The following GRID2 variants were observed in gnomAD, a reference collection of about 807,000 sequenced individuals.
GRID2 encodes glutamate receptor ionotropic, delta-2.
GRID2 carries 33 observed loss-of-function variants against 114.8 expected under a neutral mutation model. The ratio of observed to expected loss-of-function variants is 0.29; its 90% CI spans 0.22 to 0.38. The LOEUF (loss-of-function observed/expected upper bound fraction) is 0.38, where lower values mean the gene tolerates loss of function less well. Among genes scored for constraint, GRID2 ranks in the 10% least tolerant of loss-of-function variants. GRID2 has a pLI of 1.00. For missense variants in GRID2, 1,184 were observed against 1,257.7 expected, an observed-to-expected ratio of 0.94 and a Z score of 0.89; for synonymous variants, 505 against 449.9, an observed-to-expected ratio of 1.12 and a Z score of -1.55.
At chr4:93,076,686 C>A (rs377645263) in intron 2 of GRID2, among the ~76,000 whole-genome samples, 2 of 143,618 alleles carry the variant, frequency 1.4e-5, no homozygotes, top group Non-Finnish European at 3.0e-5. Context: ...GGCGCAATCT[C>A]GGTTCACTGC....
At chr4:93,650,849 G>A (rs932880345) in intron 14 of GRID2, among the ~76,000 whole-genome samples, 1 of 151,974 alleles carries the variant, frequency 6.6e-6, no homozygotes, top group East Asian at 1.9e-4. Flanking sequence ...AAAATAAGAA[G>A]GGGAACAAAC....
At chr4:93,703,110 G>T (rs558154733) in intron 14 of GRID2, among the ~76,000 whole-genome samples, 6 of 152,064 alleles carry the variant, frequency 3.9e-5, no homozygotes, top group Non-Finnish European at 7.4e-5. Context: ...TGTCTCATTA[G>T]GATTTTTAAT....
intron 2 of GRID2, among the ~76,000 whole-genome samples, chr4:92,800,630 T>C (rs900980583): frequency 7.2e-5 from 11 of 152,000 alleles, no homozygotes; most frequent in African/African-American, 2.7e-4. Flanking sequence ...CTTTTGATAC[T>C]TGTGGGCATT....
intron 4 of GRID2, among the ~76,000 whole-genome samples, chr4:93,127,353 A>G (rs766646112): frequency 5.9e-5 from 9 of 152,124 alleles, no homozygotes; most frequent in Non-Finnish European, 1.2e-4. Context: ...AGTGTGCTAG[A>G]TTGCCTTTTG....
intron 10 of GRID2, among the ~76,000 whole-genome samples, chr4:93,434,962 A>AT (rs778110387): frequency 3.0e-4 from 45 of 149,352 alleles, no homozygotes; most frequent in East Asian, 7.9e-4. Flanking sequence ...TGTCCACCTC[A>AT]TTTTTTTTTC....
At chr4:92,812,017 G>T (rs1343578595) in intron 2 of GRID2, among the ~76,000 whole-genome samples, 1 of 152,048 alleles carries the variant, frequency 6.6e-6, no homozygotes, top group African/African-American at 2.4e-5. Context: ...AACTCCATTT[G>T]TTTGCTCCCT....
intron 2 of GRID2, among the ~76,000 whole-genome samples, chr4:93,023,785 T>C (rs571322350): frequency 6.6e-6 from 1 of 151,782 alleles, no homozygotes; most frequent in East Asian, 1.9e-4. Flanking sequence ...TATAGAGAAA[T>C]AAAGGGTAAA....
chr4:93,243,308 T>C (rs1747762016), intron 8 of GRID2, among the ~76,000 whole-genome samples: 1 of 152,080 alleles, frequency 6.6e-6, no homozygotes, highest in Admixed American at 6.6e-5. Flanking sequence ...AGTTCCTTTG[T>C]ATAGGTATTA....
intron 14 of GRID2, among the ~76,000 whole-genome samples, chr4:93,681,963 CA>C (rs1390214172): frequency 4.0e-5 from 6 of 151,018 alleles, no homozygotes; most frequent in African/African-American, 1.5e-4. Flanking sequence ...TTCTGCACAG[CA>C]AAAGAAACTA....
rs143504110 is a variant in GRID2 at position 92,838,154 on chromosome 4, A to T, written c.245-246841A>T. Among the ~76,000 whole-genome samples the T allele has an allele frequency of 2.8e-3, 432 of 152,220 alleles. 1 individual carries two copies. The highest frequency in any genetic ancestry group is 9.8e-3 in the African/African-American group (407 of 41,562). ...ACATTATTTGCACAGCAGGATTAGA[A>T]AGTAATCCCTGTGGAGATATTAAGA... On this transcript the variant is annotated intron_variant, in intron 2 of 15. Coordinates refer to ENST00000282020, the MANE Select transcript of GRID2 (RefSeq NM_001510.4).
chr4:92,898,560 G>C (rs923061311), intron 2 of GRID2, among the ~76,000 whole-genome samples: 2 of 152,142 alleles, frequency 1.3e-5, no homozygotes, highest in Non-Finnish European at 2.9e-5. Flanking sequence ...AAATTACACT[G>C]CTTTGCATCA....
chr4:93,586,989 C>T (rs1737597525), intron 13 of GRID2, among the ~76,000 whole-genome samples: 1 of 152,126 alleles, frequency 6.6e-6, no homozygotes, highest in Non-Finnish European at 1.5e-5. Context: ...ACATCCTCCA[C>T]ACAGCCCCAA....
chr4:93,247,546 C>T (rs781518777), intron 8 of GRID2, among the ~76,000 whole-genome samples: 6 of 152,074 alleles, frequency 3.9e-5, no homozygotes, highest in Non-Finnish European at 8.8e-5. Flanking sequence ...ATCAGCCCCC[C>T]AGTTCTCGGG....
intron 2 of GRID2, among the ~76,000 whole-genome samples, chr4:92,901,756 G>T (rs1011474323): frequency 6.6e-5 from 10 of 151,972 alleles, no homozygotes; most frequent in African/African-American, 2.4e-4. Context: ...ATGTGCTGTT[G>T]GATACAGTGT....
chr4:92,575,053 A>G (rs1727818172), intron 1 of GRID2, among the ~76,000 whole-genome samples: 2 of 152,020 alleles, frequency 1.3e-5, no homozygotes. Context: ...CTCTTATTTC[A>G]GAAATATAGT....
At chr4:92,647,742 T>C (rs988240677) in intron 2 of GRID2, among the ~76,000 whole-genome samples, 4 of 149,848 alleles carry the variant, frequency 2.7e-5, no homozygotes, top group African/African-American at 5.0e-5. Flanking sequence ...TCTTATTTTC[T>C]TAAACAAATA....
chr4:93,648,333 C>T (rs2164315), intron 14 of GRID2, among the ~76,000 whole-genome samples: 27,069 of 151,960 alleles, frequency 0.18, 2,769 homozygotes, highest in Middle Eastern at 0.35. Flanking sequence ...GGGGAAAAAT[C>T]AAGAGAAACT....
chr4:92,506,787 A>G (rs1026751380), intron 1 of GRID2, among the ~76,000 whole-genome samples: 6 of 151,938 alleles, frequency 3.9e-5, no homozygotes, highest in African/African-American at 9.7e-5. Context: ...CTTTGAGACA[A>G]TAGGTTGATG....
chr4:93,559,102 A>G lies in GRID2; in HGVS notation c.2193+43691A>G, dbSNP rs891237897. On this transcript the variant is annotated intron_variant, in intron 13 of 15. Transcript: ENST00000282020. ...AATGCATCTCAAAATAGTAAGAACT[A>G]TTTATGACCAACCCATAAAACCATA... Among the ~76,000 whole-genome samples the G allele has an allele frequency of 2.7e-4, 41 of 152,296 alleles. 1 individual carries two copies. Among genetic ancestry groups the G allele is most frequent in the Admixed American group, 2.6e-3 (39 of 15,294 alleles).
Sources: allele counts gnomAD v4.1 joint callset (sites outside exome capture counted in the v4.1 genomes callset), GRCh38; gene constraint gnomAD v4.1.1; transcripts MANE v1.5; gene names NCBI Gene and HGNC (gene_info 2026-07-23, HGNC 2026-07-21).